The following CCDC12 variants were observed in gnomAD, a reference collection of about 807,000 sequenced individuals.
CCDC12 encodes the protein coiled-coil domain containing 12, also known as coiled-coil domain-containing protein 12.
In CCDC12, 28 loss-of-function variants were observed where a neutral mutation model predicts 25.7. That is an observed-to-expected ratio of 1.09 (90% CI 0.81 to 1.50). The LOEUF is 1.50. CCDC12 is among the 40% of genes most tolerant of loss of function. The pLI, the probability that CCDC12 is intolerant of heterozygous loss-of-function variation, is 0.00. For missense variants in CCDC12, 198 were observed against 210.0 expected, an observed-to-expected ratio of 0.94 and a Z score of 0.35; for synonymous variants, 75 against 87.7, an observed-to-expected ratio of 0.86 and a Z score of 0.81.
intron 1 of CCDC12, among the ~76,000 whole-genome samples, chr3:46,964,064 C>A (rs1258346037): frequency 6.6e-6 from 1 of 151,362 alleles, no homozygotes. Context: ...GCCTTTGCCC[C>A]GCCGCCCCGT....
At chr3:46,954,478 T>G (rs2034226043) in intron 1 of CCDC12, among the ~76,000 whole-genome samples, 2 of 152,178 alleles carry the variant, frequency 1.3e-5, no homozygotes, top group Admixed American at 1.3e-4. Flanking sequence ...CTGGATCCCC[T>G]AAAACAGTTT....
chr3:46,964,613 A>C (rs931795096), intron 1 of CCDC12, among the ~76,000 whole-genome samples: 41 of 152,310 alleles, frequency 2.7e-4, no homozygotes, highest in African/African-American at 8.7e-4. Context: ...ACTAAGAAAA[A>C]TTCTTCTGCC....
intron 2 of CCDC12, among the ~76,000 whole-genome samples, chr3:46,936,061 G>T (rs1043964883): frequency 3.3e-5 from 5 of 152,342 alleles, no homozygotes; most frequent in Non-Finnish European, 5.9e-5. Flanking sequence ...CTTCAAGATG[G>T]CTGGTGAGGG....
chr3:46,951,826 T>TATATATATAA (rs1460071732), intron 1 of CCDC12, among the ~76,000 whole-genome samples: 4 of 35,714 alleles, frequency 1.1e-4, no homozygotes, highest in Non-Finnish European at 2.9e-4. Flanking sequence ...TATATATACT[T>TATATATATAA]AATGAGGATC....
At chr3:46,946,823 G>A (rs531307216) in intron 1 of CCDC12, among the ~76,000 whole-genome samples, 14 of 152,316 alleles carry the variant, frequency 9.2e-5, no homozygotes, top group African/African-American at 2.6e-4. Flanking sequence ...CGGGTGTGCC[G>A]AAGCAGGAGG....
At chr3:46,947,496 G>C (rs542578694) in intron 1 of CCDC12, among the ~76,000 whole-genome samples, 2 of 152,302 alleles carry the variant, frequency 1.3e-5, no homozygotes, top group East Asian at 3.9e-4. Flanking sequence ...GAAGTGAGCT[G>C]AACACCACCA....
chr3:46,932,767 C>T (rs1015798265), intron 2 of CCDC12, among the ~76,000 whole-genome samples: 4 of 152,208 alleles, frequency 2.6e-5, no homozygotes, highest in African/African-American at 9.6e-5. Flanking sequence ...CCACCTGAAA[C>T]CACAGGCCAG....
At chr3:46,941,092 GCT>G (rs2033683166) in intron 1 of CCDC12, 27 bp from the exon 2 acceptor site, 2 of 1,611,684 alleles carry the variant, frequency 1.2e-6, no homozygotes, top group Non-Finnish European at 8.5e-7. Context: ...AAAACCACCA[GCT>G]CAGTTGAAAG....
At position 46,924,968 on chromosome 3, in the gene CCDC12, C is replaced by T. The variant is rs2032878558; in HGVS notation, c.244+488G>A. The T allele has an allele frequency of 1.6e-5, 5 of 312,282 alleles. No individual in the cohort carries two copies. In the Admixed American group the frequency reaches 2.2e-4, roughly 14 times the overall value. 19.3% of individuals were successfully genotyped at this position (312,282 alleles called of 1,614,324 possible). On this transcript the variant is annotated intron_variant, in intron 3 of 6. Transcript: ENST00000683445. ...AAGCTCCTGGTGGCTGTGCTGTTCCCACGCCATGGCAAGAGTCTAGGCAAG... is the reference window on the plus strand; with the variant it reads ...AAGCTCCTGGTGGCTGTGCTGTTCCTACGCCATGGCAAGAGTCTAGGCAAG...
At chr3:46,973,551 T>C (rs1217443655) in intron 1 of CCDC12, among the ~76,000 whole-genome samples, 1 of 150,944 alleles carries the variant, frequency 6.6e-6, no homozygotes, top group Non-Finnish European at 1.5e-5. Context: ...TCTGGCTATC[T>C]ACCCAAAAGA....
Position 46,970,703 on chromosome 3 carries a change from T to C in CCDC12, c.96+5934A>G, listed in dbSNP as rs73831447. 2.1e-3 allele frequency among the ~76,000 whole-genome samples: 323 copies of C among 152,320 alleles called. 3 individuals carry two copies. The highest frequency in any genetic ancestry group is 7.5e-3 in the African/African-American group (310 of 41,566). On this transcript the variant is annotated intron_variant, in intron 1 of 6. Transcript: ENST00000683445. Reference sequence around the variant, plus strand: ...ATTCAGGGCAATCGCTCAGGAAAGCTTGGCATGTTTATGCCAAGTTAATCA... The same window carrying C: ...ATTCAGGGCAATCGCTCAGGAAAGCCTGGCATGTTTATGCCAAGTTAATCA...
In CCDC12 at chr3:46,941,343, T is replaced by C. The variant is rs191713642; in HGVS notation, c.97-278A>G. Among the ~76,000 whole-genome samples, 9 of 152,238 alleles carry C rather than the reference T, an allele frequency of 5.9e-5. 1 individual carries two copies. In the East Asian group the frequency reaches 1.5e-3, roughly 26 times the overall value. On this transcript the variant is annotated intron_variant, in intron 1 of 6. Transcript: ENST00000683445. The stretch of plus-strand genomic sequence containing the variant: ...TTCAGGAGGCCGAGGTGGGCGGATC[T>C]CGAGGTCAGGAGATCGCAACCATCC...
chr3:46,979,533 A>G (rs13062516), upstream of CCDC12: 185,252 of 194,522 alleles, frequency 0.95, 88,897 homozygotes, highest in East Asian at 1. Context: ...GGGGCAGGGC[A>G]GCGGGGCACC....
chr3:46,953,460 C>T (rs1292303327), intron 1 of CCDC12, among the ~76,000 whole-genome samples: 1 of 152,072 alleles, frequency 6.6e-6, no homozygotes, highest in Non-Finnish European at 1.5e-5. Flanking sequence ...TTCCTTAATT[C>T]TGCTGTCAAA....
chr3:46,976,616 C>A (rs1201511844), intron 1 of CCDC12, 21 bp downstream of exon 1: 2 of 1,603,796 alleles, frequency 1.2e-6, no homozygotes, highest in African/African-American at 2.7e-5. Flanking sequence ...TCAACTGCGA[C>A]CCTCACTCCA....
At chr3:46,945,720 G>C (rs566136742) in intron 1 of CCDC12, among the ~76,000 whole-genome samples, 3 of 152,182 alleles carry the variant, frequency 2.0e-5, no homozygotes. Flanking sequence ...TTCTTCTCCA[G>C]CCAGTGTTAT....
intron 2 of CCDC12, chr3:46,940,636 T>C (rs1041460842): frequency 4.1e-6 from 1 of 243,738 alleles, no homozygotes; most frequent in South Asian, 6.9e-5. Flanking sequence ...TGGATGAGGC[T>C]AGATGGTCCA....
intron 1 of CCDC12, among the ~76,000 whole-genome samples, chr3:46,952,887 T>C (rs556771196): frequency 4.5e-4 from 69 of 152,218 alleles, no homozygotes; most frequent in African/African-American, 1.5e-3. Context: ...CAGCTAGAGG[T>C]TGCCAGGACG....
chr3:46,932,248 A>G (rs1212473112), intron 2 of CCDC12, among the ~76,000 whole-genome samples: 2 of 152,266 alleles, frequency 1.3e-5, no homozygotes, highest in African/African-American at 2.4e-5. Context: ...TCCTGGCAGC[A>G]TAATTCATAA....
Sources: gnomAD v4.1 joint callset for allele counts (sites outside exome capture counted in the v4.1 genomes callset) on GRCh38, gnomAD v4.1.1 for gene constraint, MANE v1.5 for transcripts, NCBI Gene and HGNC (gene_info 2026-07-23, HGNC 2026-07-21) for gene names.